The following NALF1 variants were observed in gnomAD, a reference collection of about 807,000 sequenced individuals.
NALF1 encodes NALCN channel auxiliary factor 1, also known as family with sequence similarity 155 member A.
Under a neutral mutation model 48.4 loss-of-function variants are expected in NALF1, and 3 were observed. The observed-to-expected ratio is 0.06, with a 90% CI of 0.03 to 0.16. The LOEUF is 0.16. Among genes scored for constraint, NALF1 ranks in the 10% least tolerant of loss-of-function variants. NALF1 has a pLI of 1.00. For missense variants in NALF1, 526 were observed against 571.5 expected (o/e 0.92, Z 0.81); for synonymous variants, 262 against 245.7 (o/e 1.07, Z -0.62).
At chr13:107,579,063 T>A (rs1878229355) in intron 1 of NALF1, among the ~76,000 whole-genome samples, 1 of 152,308 alleles carries the variant, frequency 6.6e-6, no homozygotes. Flanking sequence ...CATGCTTTCA[T>A]GCTAACATTC....
At chr13:107,321,477 T>G (rs772704462) in intron 1 of NALF1, among the ~76,000 whole-genome samples, 18 of 152,126 alleles carry the variant, frequency 1.2e-4, no homozygotes, top group Non-Finnish European at 2.1e-4. Context: ...GCTTAACAAG[T>G]TTGTTCCAGG....
At chr13:107,691,729 A>G (rs948633754) in intron 1 of NALF1, among the ~76,000 whole-genome samples, 12 of 152,230 alleles carry the variant, frequency 7.9e-5, no homozygotes, top group Non-Finnish European at 1.5e-4. Flanking sequence ...GGTCATACGA[A>G]TAAAAATAAT....
At chr13:107,420,872 A>G (rs749362219) in intron 1 of NALF1, among the ~76,000 whole-genome samples, 1 of 152,128 alleles carries the variant, frequency 6.6e-6, no homozygotes, top group Non-Finnish European at 1.5e-5. Flanking sequence ...CTTTGTCATT[A>G]GCTAGAAGAC....
intron 1 of NALF1, among the ~76,000 whole-genome samples, chr13:107,436,973 A>G (rs938698398): frequency 4.6e-5 from 7 of 152,200 alleles, no homozygotes; most frequent in Non-Finnish European, 1.0e-4. Context: ...ACTTGTCAAA[A>G]TATTTTAAAG....
At chr13:107,680,225 CT>C (rs1185634350) in intron 1 of NALF1, among the ~76,000 whole-genome samples, 1 of 152,208 alleles carries the variant, frequency 6.6e-6, no homozygotes, top group Non-Finnish European at 1.5e-5. Flanking sequence ...TGCCATTTGA[CT>C]TCCACAGAGA....
In NALF1 at chr13:107,516,273, A is replaced by C. The variant is rs144599393; in HGVS notation, c.916-305518T>G. On this transcript the variant is annotated intron_variant, in intron 1 of 2. Coordinates refer to ENST00000375915, the MANE Select transcript of NALF1 (RefSeq NM_001080396.3). Reference sequence around the variant, plus strand: ...ACGCAGACGTGGAGAAAGAAAAAGCAGAACGCAGAATAAAGGCCATATAAA... The same window carrying C: ...ACGCAGACGTGGAGAAAGAAAAAGCCGAACGCAGAATAAAGGCCATATAAA... Among the ~76,000 whole-genome samples, 670 of 152,314 alleles carry C rather than the reference A, an allele frequency of 4.4e-3. 3 individuals are homozygous for C. Among genetic ancestry groups the C allele is most frequent in the African/African-American group, 0.015 (641 of 41,570 alleles).
intron 1 of NALF1, among the ~76,000 whole-genome samples, chr13:107,741,484 AGGAGCAATCAG>A (rs1281730266): frequency 1.3e-5 from 2 of 150,280 alleles, no homozygotes; most frequent in Non-Finnish European, 2.9e-5. Context: ...TATCGTATGT[AGGAGCAATCAG>A]GTGAGAAAGC....
chr13:107,603,006 G>T (rs950835858), intron 1 of NALF1, among the ~76,000 whole-genome samples: 1 of 152,056 alleles, frequency 6.6e-6, no homozygotes, highest in Non-Finnish European at 1.5e-5. Context: ...CAGACTCTCT[G>T]GTCTCAGTCA....
chr13:107,863,994 C>T (rs570366807), intron 1 of NALF1, among the ~76,000 whole-genome samples: 86 of 152,260 alleles, frequency 5.6e-4, no homozygotes, highest in African/African-American at 1.9e-3. Flanking sequence ...CACTCTTAAA[C>T]ACAACTAAAC....
chr13:107,684,328 GA>G (rs1385994686), intron 1 of NALF1, among the ~76,000 whole-genome samples: 2 of 152,196 alleles, frequency 1.3e-5, no homozygotes, highest in Non-Finnish European at 2.9e-5. Flanking sequence ...GAAAGGTCAG[GA>G]AGAGGAAACG....
rs577410674 is a variant in NALF1 at position 107,370,653 on chromosome 13, G to A, written c.916-159898C>T. Among the ~76,000 whole-genome samples, 8 of 152,166 alleles carry A rather than the reference G, an allele frequency of 5.3e-5. No homozygotes were observed. The East Asian group carries it at 1.5e-3, about 29-fold the overall frequency. ...TGAGCTGCTTCTTTAAAAAGAGTCA[G>A]AGGGTATACTGGAAAGCAAAACAGT... On this transcript the variant is annotated intron_variant, in intron 1 of 2. Transcript: ENST00000375915.
chr13:107,398,158 A>T (rs1489267959), intron 1 of NALF1, among the ~76,000 whole-genome samples: 1 of 152,166 alleles, frequency 6.6e-6, no homozygotes, highest in Non-Finnish European at 1.5e-5. Context: ...ACCCATTTTG[A>T]AGGAATAAGT....
chr13:107,390,724 G>A (rs899952865), intron 1 of NALF1, among the ~76,000 whole-genome samples: 2 of 152,058 alleles, frequency 1.3e-5, no homozygotes, highest in Non-Finnish European at 2.9e-5. Flanking sequence ...ACAGATAAGA[G>A]AGGGACGGCA....
At chr13:107,529,630 C>G (rs1876559881) in intron 1 of NALF1, among the ~76,000 whole-genome samples, 1 of 152,142 alleles carries the variant, frequency 6.6e-6, no homozygotes, top group South Asian at 2.1e-4. Flanking sequence ...CAAGATGGCC[C>G]CGCAGGACAG....
chr13:107,328,175 C>T (rs987610835), intron 1 of NALF1, among the ~76,000 whole-genome samples: 2 of 152,002 alleles, frequency 1.3e-5, no homozygotes, highest in Non-Finnish European at 2.9e-5. Context: ...ACCTCGACCT[C>T]CCAAAGTGCT....
intron 1 of NALF1, among the ~76,000 whole-genome samples, chr13:107,251,920 C>T (rs1328833470): frequency 6.6e-6 from 1 of 152,122 alleles, no homozygotes; most frequent in African/African-American, 2.4e-5. Context: ...ATGTCACATG[C>T]TATGGAGAAA....
At chr13:107,801,682 G>C (rs1425748399) in intron 1 of NALF1, among the ~76,000 whole-genome samples, 1 of 152,266 alleles carries the variant, frequency 6.6e-6, no homozygotes, top group East Asian at 1.9e-4. Flanking sequence ...ATAATATTCA[G>C]TTGGATATGA....
chr13:107,710,447 C>T (rs977064305), intron 1 of NALF1, among the ~76,000 whole-genome samples: 7 of 152,078 alleles, frequency 4.6e-5, no homozygotes, highest in East Asian at 3.9e-4. Flanking sequence ...TAAAGAACTA[C>T]CTGAGACTGG....
chr13:107,558,827 G>C (rs1421761704), intron 1 of NALF1, among the ~76,000 whole-genome samples: 2 of 152,172 alleles, frequency 1.3e-5, no homozygotes, highest in Non-Finnish European at 2.9e-5. Context: ...TTGAACATAG[G>C]CAGAGGAAGA....
Sources: allele counts gnomAD v4.1 joint callset (sites outside exome capture counted in the v4.1 genomes callset), GRCh38; gene constraint gnomAD v4.1.1; transcripts MANE v1.5; gene names NCBI Gene and HGNC (gene_info 2026-07-23, HGNC 2026-07-21).